ZFPM2: variants seen among roughly 807,000 people sequenced by gnomAD.
ZFPM2 encodes zinc finger protein, FOG family member 2, also known as zinc finger protein ZFPM2.
In ZFPM2, 20 loss-of-function variants were observed where a neutral mutation model predicts 98.6. The observed-to-expected ratio is 0.20, with a 90% CI of 0.14 to 0.29. The LOEUF is 0.29. ZFPM2 is among the 10% of genes least tolerant of loss of function. The probability of loss-of-function intolerance (pLI) is 1.00; values close to 1 mark genes in which losing one functional copy is unlikely to be tolerated. For synonymous variants in ZFPM2, 518 were observed against 502.7 expected (o/e 1.03, Z -0.41); for missense variants, 1,310 against 1,388.6 (o/e 0.94, Z 0.90).
rs1258579121 is a variant in ZFPM2 at position 105,424,788 on chromosome 8, C to T, written c.199+5486C>T. On this transcript the variant is annotated intron_variant, in intron 2 of 7. Coordinates refer to ENST00000407775, the MANE Select transcript of ZFPM2 (RefSeq NM_012082.4). ...TATTAAGCATCTGCTTTTTGCCAGA[C>T]CTTCTTCTCAGAACTGGGATACAGC... Among the ~76,000 whole-genome samples, 4 of 152,162 alleles carry T rather than the reference C, an allele frequency of 2.6e-5. No individual in the cohort carries two copies. In the East Asian group the frequency reaches 7.7e-4, roughly 29 times the overall value.
intron 5 of ZFPM2, among the ~76,000 whole-genome samples, chr8:105,653,043 G>C (rs1046179250): frequency 6.6e-6 from 1 of 152,164 alleles, no homozygotes; most frequent in Non-Finnish European, 1.5e-5. Context: ...AAATAATGTG[G>C]ACTGTGAAAG....
chr8:105,532,025 A>G (rs566463039), intron 3 of ZFPM2, among the ~76,000 whole-genome samples: 2 of 152,096 alleles, frequency 1.3e-5, no homozygotes, highest in African/African-American at 4.8e-5. Context: ...TTCAGCCTCC[A>G]GAGTAGCTGG....
At chr8:105,699,272 C>G (rs1794346421) in intron 5 of ZFPM2, among the ~76,000 whole-genome samples, 1 of 151,930 alleles carries the variant, frequency 6.6e-6, no homozygotes, top group African/African-American at 2.4e-5. Flanking sequence ...GTATTTCTCT[C>G]CTATTCTAAT....
chr8:105,621,999 A>G (rs1201796384), intron 4 of ZFPM2, among the ~76,000 whole-genome samples: 1 of 152,162 alleles, frequency 6.6e-6, no homozygotes, highest in East Asian at 1.9e-4. Context: ...AGAATAACCT[A>G]AATAACACTT....
rs533649546 is a variant in ZFPM2, at chr8:105,389,218, A to G, written c.41-29926A>G. ...ACACTCAGACATGTCTAGTAAACAG[A>G]TGGATGTTGGAATCTGTAGCATCCA... On this transcript the variant is annotated intron_variant, in intron 1 of 7. Coordinates refer to ENST00000407775, the MANE Select transcript of ZFPM2 (RefSeq NM_012082.4). 2.6e-5 allele frequency among the ~76,000 whole-genome samples: 4 copies of G among 152,232 alleles called. No homozygotes were observed. The South Asian group carries it at 8.3e-4, about 32-fold the overall frequency.
At chr8:105,364,829 T>C (rs1031033934) in intron 1 of ZFPM2, among the ~76,000 whole-genome samples, 2 of 152,132 alleles carry the variant, frequency 1.3e-5, no homozygotes, top group Admixed American at 6.6e-5. Flanking sequence ...ATTTCTTGTG[T>C]AGTGCATCCT....
chr8:105,530,643 G>C (rs1011446769), intron 3 of ZFPM2, among the ~76,000 whole-genome samples: 1 of 152,028 alleles, frequency 6.6e-6, no homozygotes, highest in African/African-American at 2.4e-5. Context: ...CTTCTTATTA[G>C]GACACAAATC....
chr8:105,540,478 C>G, intron 3 of ZFPM2, among the ~76,000 whole-genome samples: 1 of 151,976 alleles, frequency 6.6e-6, no homozygotes. Flanking sequence ...AAAATGTTAG[C>G]TATGATATGT....
intron 5 of ZFPM2, among the ~76,000 whole-genome samples, chr8:105,742,469 T>G: frequency 6.8e-6 from 1 of 147,116 alleles, no homozygotes; most frequent in Admixed American, 6.8e-5. Flanking sequence ...AATGGGATGG[T>G]GAGATGTGAA....
At chr8:105,717,139 G>C (rs1406345142) in intron 5 of ZFPM2, among the ~76,000 whole-genome samples, 1 of 152,050 alleles carries the variant, frequency 6.6e-6, no homozygotes, top group African/African-American at 2.4e-5. Flanking sequence ...TAGGTCAGCA[G>C]TTATTACAAA....
At chr8:105,347,691 G>T (rs1039707648) in intron 1 of ZFPM2, among the ~76,000 whole-genome samples, 1 of 152,036 alleles carries the variant, frequency 6.6e-6, no homozygotes, top group Non-Finnish European at 1.5e-5. Context: ...TGGCCCTACC[G>T]CACAGTTGGT....
chr8:105,754,769 A>C (rs186225201), intron 5 of ZFPM2, among the ~76,000 whole-genome samples: 2 of 152,218 alleles, frequency 1.3e-5, no homozygotes, highest in African/African-American at 4.8e-5. Context: ...ACAGAGAACA[A>C]AACCAGGACA....
At chr8:105,786,789 C>T (rs1813427512) in intron 5 of ZFPM2, among the ~76,000 whole-genome samples, 1 of 152,040 alleles carries the variant, frequency 6.6e-6, no homozygotes, top group Non-Finnish European at 1.5e-5. Flanking sequence ...TATAGCTTAC[C>T]ACAGTGATAA....
At chr8:105,668,656 G>A (rs1817531010) in intron 5 of ZFPM2, among the ~76,000 whole-genome samples, 1 of 152,126 alleles carries the variant, frequency 6.6e-6, no homozygotes, top group Admixed American at 6.6e-5. Context: ...GAAGTTTTCT[G>A]AACAGTTCAC....
At chr8:105,375,172 C>G (rs1421538079) in intron 1 of ZFPM2, among the ~76,000 whole-genome samples, 1 of 151,956 alleles carries the variant, frequency 6.6e-6, no homozygotes, top group Non-Finnish European at 1.5e-5. Flanking sequence ...AAAACAAAAA[C>G]AAAAACAAAA....
At position 105,802,688 on chromosome 8, in the gene ZFPM2, A is replaced by T. The variant is rs1467521354; in HGVS notation, c.2606A>T (p.Tyr869Phe). 1 of 1,611,452 alleles carries T rather than the reference A, an allele frequency of 6.2e-7. No homozygotes were observed. The highest frequency in any genetic ancestry group is 1.3e-5 in the African/African-American group (1 of 75,008). Residue 869 changes from tyrosine to phenylalanine, a missense_variant, in exon 8 of 8, where the codon TAT (tyrosine) becomes TTT (phenylalanine). Coordinates refer to ENST00000407775, the MANE Select transcript of ZFPM2 (RefSeq NM_012082.4). ...CKISFNKVEN[Y>F]LAHKQNFCPV... ...ATCAGTTTCAATAAGGTAGAAAACTATCTGGCCCACAAGCAGAATTTCTGC... is the reference window on the plus strand; with the variant it reads ...ATCAGTTTCAATAAGGTAGAAAACTTTCTGGCCCACAAGCAGAATTTCTGC...
intron 3 of ZFPM2, among the ~76,000 whole-genome samples, chr8:105,475,801 G>A (rs1813002151): frequency 6.6e-6 from 1 of 152,068 alleles, no homozygotes; most frequent in Non-Finnish European, 1.5e-5. Flanking sequence ...TTCTTATCTT[G>A]CAAGGCAACT....
At chr8:105,748,541 C>T (rs1812402795) in intron 5 of ZFPM2, among the ~76,000 whole-genome samples, 1 of 151,894 alleles carries the variant, frequency 6.6e-6, no homozygotes, top group South Asian at 2.1e-4. Flanking sequence ...TTTTGCTTTC[C>T]CCAGCAGACA....
At chr8:105,459,236 A>T in intron 3 of ZFPM2, among the ~76,000 whole-genome samples, 1 of 152,096 alleles carries the variant, frequency 6.6e-6, no homozygotes, top group East Asian at 1.9e-4. Flanking sequence ...TTTTGCTTTT[A>T]TGTTGCCCCA....
Sources: allele counts gnomAD v4.1 joint callset (sites outside exome capture counted in the v4.1 genomes callset), GRCh38; gene constraint gnomAD v4.1.1; transcripts MANE v1.5; gene names NCBI Gene and HGNC (gene_info 2026-07-23, HGNC 2026-07-21).